The following ARHGEF4 variants were observed in gnomAD, a reference collection of about 807,000 sequenced individuals.
ARHGEF4 encodes APC-stimulated guanine nucleotide exchange factor 1.
A neutral mutation model predicts 162.0 loss-of-function variants in ARHGEF4; 119 were observed. That is an observed-to-expected ratio of 0.73 (90% CI 0.63 to 0.86). The LOEUF (loss-of-function observed/expected upper bound fraction) is 0.86. Among genes scored for constraint, ARHGEF4 ranks in the 40% least tolerant of loss-of-function variants. The pLI, the probability that ARHGEF4 is intolerant of heterozygous loss-of-function variation, is 0.00. For synonymous variants in ARHGEF4, 1,014 were observed against 979.9 expected (o/e 1.03, Z -0.65); for missense variants, 2,488 against 2,456.0 (o/e 1.01, Z -0.28).
intron 12 of ARHGEF4, among the ~76,000 whole-genome samples, chr2:131,045,168 G>A (rs1047907509): frequency 3.3e-5 from 5 of 152,208 alleles, no homozygotes; most frequent in Admixed American, 3.3e-4. Context: ...GGAGCCCCAG[G>A]ACAGGACACC....
At chr2:130,837,839 T>A (rs974982743) in intron 1 of ARHGEF4, 8 of 110,154 alleles carry the variant, frequency 7.3e-5, no homozygotes, top group Non-Finnish European at 1.7e-5. Flanking sequence ...GAGGCAGACC[T>A]GTGTGGGGCT....
intron 5 of ARHGEF4, chr2:131,035,071 C>A (rs915536394): frequency 2.6e-5 from 26 of 1,014,894 alleles, no homozygotes; most frequent in Non-Finnish European, 3.1e-5. Context: ...CGGGGCCGCA[C>A]GGAGCGGGAG....
At chr2:130,952,018 C>T (rs966109894) in intron 4 of ARHGEF4, among the ~76,000 whole-genome samples, 1 of 151,990 alleles carries the variant, frequency 6.6e-6, no homozygotes, top group African/African-American at 2.4e-5. Flanking sequence ...CTCAATAATA[C>T]ATTATATACA....
At chr2:130,880,112 T>G (rs2104956861) in intron 1 of ARHGEF4, among the ~76,000 whole-genome samples, 1 of 152,326 alleles carries the variant, frequency 6.6e-6, no homozygotes, top group Middle Eastern at 3.4e-3. Context: ...CTGTGCAGCC[T>G]CTCGGCAGGT....
intron 4 of ARHGEF4, chr2:130,964,373 C>A: frequency 2.1e-6 from 1 of 470,336 alleles, no homozygotes; most frequent in Non-Finnish European, 2.8e-6. Context: ...GTTTCCATCT[C>A]CTGGTCCCTT....
chr2:130,989,764 T>C (rs1411748939), intron 4 of ARHGEF4, among the ~76,000 whole-genome samples: 4 of 152,216 alleles, frequency 2.6e-5, no homozygotes, highest in Admixed American at 2.6e-4. Flanking sequence ...CTGTCAACTT[T>C]ATGACGGCGG....
chr2:130,852,799 A>G (rs1313736838), intron 1 of ARHGEF4, among the ~76,000 whole-genome samples: 7 of 152,168 alleles, frequency 4.6e-5, no homozygotes, highest in African/African-American at 1.7e-4. Flanking sequence ...GCTGAGTCTC[A>G]AGCCAGCACG....
intron 1 of ARHGEF4, among the ~76,000 whole-genome samples, chr2:130,851,247 A>G (rs1446012949): frequency 1.3e-5 from 2 of 152,388 alleles, no homozygotes; most frequent in Non-Finnish European, 1.5e-5. Context: ...CTGGGAATGC[A>G]GGGCAGAGAG....
chr2:130,973,646 C>T (rs1685507454), intron 4 of ARHGEF4, among the ~76,000 whole-genome samples: 2 of 152,174 alleles, frequency 1.3e-5, no homozygotes, highest in South Asian at 4.1e-4. Flanking sequence ...GCTTCCCATA[C>T]AGCATAACAT....
intron 5 of ARHGEF4, chr2:131,035,547 A>G (rs1043227604): frequency 3.3e-6 from 2 of 599,292 alleles, no homozygotes; most frequent in African/African-American, 4.0e-5. Flanking sequence ...GAGGATGCGG[A>G]TTCAGCTGGG....
intron 4 of ARHGEF4, among the ~76,000 whole-genome samples, chr2:130,985,348 G>T (rs906288869): frequency 6.6e-6 from 1 of 152,118 alleles, no homozygotes; most frequent in Non-Finnish European, 1.5e-5. Flanking sequence ...AAACACCAGG[G>T]GTTTGGTGTA....
intron 5 of ARHGEF4, among the ~76,000 whole-genome samples, chr2:131,032,822 C>CTTTCT (rs1553444484): frequency 6.3e-5 from 9 of 142,046 alleles, no homozygotes; most frequent in East Asian, 2.0e-4. Context: ...TGCCTTCAAG[C>CTTTCT]TTTCTTTTCT....
rs1479596856 is a variant in ARHGEF4, at chr2:130,914,071, A to G, written c.125A>G (p.Gln42Arg). 1.3e-6 allele frequency: 2 copies of G among 1,536,064 alleles called. No individual in the cohort carries two copies. Among genetic ancestry groups the G allele is most frequent in the African/African-American group, 1.4e-5 (1 of 73,072 alleles). ...LPTSPAEQVEQGWNQQTDRDD... is the reference protein window; with the variant it reads ...LPTSPAEQVERGWNQQTDRDD... ...ACATCCCCTGCAGAACAAGTGGAGC[A>G]GGGATGGAACCAGCAAACAGACCGC... Residue 42 changes from glutamine (Q) to arginine (R), a missense_variant, in exon 2 of 14, where the codon CAG (glutamine) becomes CGG (arginine). Around this residue, in one of 6 missense-constraint regions of ARHGEF4, gnomAD observed 171 missense variants for 169.4 expected, o/e 1.01. Transcript: ENST00000409359.
chr2:131,042,835 A>C lies in ARHGEF4; in HGVS notation c.5026-617A>C, dbSNP rs113900733. Among the ~76,000 whole-genome samples, 5 of 152,314 alleles carry C rather than the reference A, an allele frequency of 3.3e-5. 1 individual carries two copies. Among genetic ancestry groups the C allele is most frequent in the African/African-American group, 1.2e-4 (5 of 41,582 alleles). ...TGAGACCAGGGCAGGGCTTAGTCTA[A>C]AAGTATGAAGCCCAAGGGTGGATGA... On this transcript the variant is annotated intron_variant, in intron 10 of 13. Transcript: ENST00000409359.
chr2:130,957,994 C>T (rs1341911661), intron 4 of ARHGEF4, among the ~76,000 whole-genome samples: 1 of 149,662 alleles, frequency 6.7e-6, no homozygotes, highest in Non-Finnish European at 1.5e-5. Context: ...AATTTATATT[C>T]AATAAAGTTT....
rs1003432834 is a variant in ARHGEF4, at chr2:130,916,472, T to C, written c.2526T>C (p.Gly842=). ...LPRENPPAAA[G]RDAPPLHHGD... ...GGGAGAATCCGCCCGCTGCGGCCGG[T>C]CGGGACGCACCGCCTCTGCACCACG... Residue 842 remains glycine, a synonymous_variant, in exon 2 of 14, where the codon GGT becomes GGC. Coordinates refer to ENST00000409359, the MANE Select transcript of ARHGEF4 (RefSeq NM_001367493.1). 1 of 1,544,306 alleles carries C rather than the reference T, an allele frequency of 6.5e-7. No individual in the cohort carries two copies. Among genetic ancestry groups the C allele is most frequent in the Admixed American group, 2.0e-5 (1 of 50,900 alleles).
chr2:130,975,336 AC>A (rs1245257202), intron 4 of ARHGEF4, among the ~76,000 whole-genome samples: 1 of 152,054 alleles, frequency 6.6e-6, no homozygotes, highest in African/African-American at 2.4e-5. Flanking sequence ...ATTCCTAGAG[AC>A]AGCAGACACC....
chr2:130,879,118 T>A (rs974174221), intron 1 of ARHGEF4, among the ~76,000 whole-genome samples: 16 of 152,050 alleles, frequency 1.1e-4, no homozygotes, highest in Admixed American at 3.3e-4. Flanking sequence ...TGGTAATGAG[T>A]CCAGGAGGGA....
At chr2:130,941,043 A>G (rs1683267567) in intron 3 of ARHGEF4, among the ~76,000 whole-genome samples, 1 of 151,998 alleles carries the variant, frequency 6.6e-6, no homozygotes, top group African/African-American at 2.4e-5. Context: ...TAAAAATGGC[A>G]TGATAAATTT....
Sources: allele counts gnomAD v4.1 joint callset (sites outside exome capture counted in the v4.1 genomes callset), GRCh38; gene constraint gnomAD v4.1.1; regional missense constraint gnomAD v4.1.1; transcripts MANE v1.5; gene names NCBI Gene and HGNC (gene_info 2026-07-23, HGNC 2026-07-21).